Variants in RAB15 observed in about 807,000 individuals in gnomAD.
RAB15 encodes RAB15, member RAS oncogene family.
In RAB15, 13 loss-of-function variants were observed where a neutral mutation model predicts 31.8. The ratio of observed to expected loss-of-function variants is 0.41; its 90% CI spans 0.27 to 0.65. The LOEUF is 0.65. Ranked by LOEUF, RAB15 falls within the 30% of genes least tolerant of loss-of-function variation. The pLI is 0.32. For synonymous variants in RAB15, 100 were observed against 105.6 expected (o/e 0.95, Z 0.33); for missense variants, 220 against 277.3 (o/e 0.79, Z 1.47).
intron 1 of RAB15, among the ~76,000 whole-genome samples, chr14:64,966,536 T>A (rs571615685): frequency 0.037 from 5,590 of 149,426 alleles, 349 homozygotes; most frequent in African/African-American, 0.12. Context: ...AAAAAATAAA[T>A]AAATAAATAA....
In RAB15 at chr14:64,963,158, A is replaced by C. The variant is rs569947182; in HGVS notation, c.124+8795T>G. Among the ~76,000 whole-genome samples the C allele has an allele frequency of 5.5e-4, 67 of 121,476 alleles. 2 individuals carry two copies. In the South Asian group the frequency reaches 0.016, roughly 29 times the overall value. 79.7% of individuals were successfully genotyped at this position (121,476 alleles called of 152,430 possible). On this transcript the variant is annotated intron_variant, in intron 1 of 6. Transcript: ENST00000533601. ...TTTTGAGACAGGGTCTCACTCTGTC[A>C]CCCAGGCTGGAGTACAGTGGTACGA...
In RAB15 at chr14:64,948,596, C is replaced by T. The variant is rs369486929; in HGVS notation, c.480+72G>A. ...CAGCGGCCTGAGGGATAAGGTCCAT[C>T]TTATGGCTCCTCCTCCCACCTCTGC... On this transcript the variant is annotated intron_variant, in intron 6 of 6. Coordinates refer to ENST00000533601, the MANE Select transcript of RAB15 (RefSeq NM_001308154.2). This position sits in a 1 kb window ranked among gnomAD's most constrained non-coding sequence, Gnocchi z 7.0. The T allele has an allele frequency of 1.6e-5, 25 of 1,609,992 alleles. No homozygotes were observed. The East Asian group carries it at 1.6e-4, about 10-fold the overall frequency.
At position 64,958,861 on chromosome 14, in the gene RAB15, C is replaced by A. The variant is rs1315202016; in HGVS notation, c.125-6290G>T. ...TTCCCGGCACATTAGATATGCCCAT[C>A]ATGGTGCCTGCCACACCCTGTGTCC... On this transcript the variant is annotated intron_variant, in intron 1 of 6. Transcript: ENST00000533601. This position sits in a 1 kb window ranked among gnomAD's most constrained non-coding sequence, Gnocchi z 4.4. Among the ~76,000 whole-genome samples the A allele has an allele frequency of 6.6e-6, 1 of 152,222 alleles. No homozygotes were observed. Among genetic ancestry groups the A allele is most frequent in the African/African-American group, 2.4e-5 (1 of 41,440 alleles).
At chr14:64,969,771 C>A (rs1209426224) in intron 1 of RAB15, among the ~76,000 whole-genome samples, 1 of 152,196 alleles carries the variant, frequency 6.6e-6, no homozygotes, top group African/African-American at 2.4e-5. Flanking sequence ...GTGGTCTGCC[C>A]TGGAGGGTTT....
rs1048150586 is a variant in RAB15 at position 64,948,001 on chromosome 14, C to T, written c.*353G>A. On this transcript the variant is annotated 3_prime_UTR_variant, in exon 7 of 7. Transcript: ENST00000533601. This position sits in a 1 kb window ranked among gnomAD's most constrained non-coding sequence, Gnocchi z 7.0. ...AGAGAGAAAAAGCAGAGAAGAGACACGATGCACGGAGAAAGGAGCAGCTGA... is the reference window on the plus strand; with the variant it reads ...AGAGAGAAAAAGCAGAGAAGAGACATGATGCACGGAGAAAGGAGCAGCTGA... 16 of 240,580 alleles carry T rather than the reference C, an allele frequency of 6.7e-5. No individual in the cohort carries two copies. Among genetic ancestry groups the T allele is most frequent in the African/African-American group, 9.0e-5 (4 of 44,660 alleles). The allele number at this position is 240,580 out of a possible 1,614,324, so 14.9% of individuals were successfully genotyped here.
chr14:64,969,824 A>C (rs1031229352), intron 1 of RAB15, among the ~76,000 whole-genome samples: 8 of 152,148 alleles, frequency 5.3e-5, no homozygotes, highest in Non-Finnish European at 1.2e-4. Flanking sequence ...CTATTAGCAG[A>C]AGGTGTCTAA....
chr14:64,948,104 G>A lies in RAB15; in HGVS notation c.*250C>T. ...GACAGTGCTTGCGGCACATCGTGGGGGTCGTAGCAGGCCTGTGGCTGGGGA... is the reference window on the plus strand; with the variant it reads ...GACAGTGCTTGCGGCACATCGTGGGAGTCGTAGCAGGCCTGTGGCTGGGGA... On this transcript the variant is annotated 3_prime_UTR_variant, in exon 7 of 7. Transcript: ENST00000533601. This position sits in a 1 kb window ranked among gnomAD's most constrained non-coding sequence, Gnocchi z 7.0. 2.3e-6 allele frequency: 1 copy of A among 435,616 alleles called. No individual in the cohort carries two copies. The highest frequency in any genetic ancestry group is 4.0e-6 in the Non-Finnish European group (1 of 248,676). The allele number at this position is 435,616 out of a possible 1,614,324, so 27.0% of individuals were successfully genotyped here. A position where few individuals can be genotyped will look rare whatever the true frequency, so the allele number is the denominator to read the frequency against.
rs1260871748 is a variant in RAB15 at position 64,953,005 on chromosome 14, CTT to C, written c.125-436_125-435del. 6.6e-6 allele frequency among the ~76,000 whole-genome samples: 1 copy of C among 152,210 alleles called. No individual in the cohort carries two copies. The highest frequency in any genetic ancestry group is 1.5e-5 in the Non-Finnish European group (1 of 68,040). The stretch of plus-strand genomic sequence containing the variant: ...TTTGCCTGCTTTCTTCCCTCTCTCT[CTT>C]TGCCTTGTTAATAACCAGAAGGGGT... On this transcript the variant is annotated intron_variant, in intron 1 of 6. Transcript: ENST00000533601. The surrounding 1 kb of genome is among the most constrained non-coding windows in gnomAD (Gnocchi z 4.6).
At chr14:64,949,875 G>A (rs936760909) in intron 5 of RAB15, among the ~76,000 whole-genome samples, 2 of 152,006 alleles carry the variant, frequency 1.3e-5, no homozygotes, top group African/African-American at 2.4e-5. Flanking sequence ...GTGGCTCTTT[G>A]TCTCCTCATT....
chr14:64,956,347 G>A (rs544444244), intron 1 of RAB15, among the ~76,000 whole-genome samples: 134 of 151,414 alleles, frequency 8.8e-4, no homozygotes, highest in African/African-American at 3.0e-3. Flanking sequence ...GGAGGCAGAG[G>A]CTGCAGTGAG....
At chr14:64,965,800 C>T in intron 1 of RAB15, among the ~76,000 whole-genome samples, 1 of 152,148 alleles carries the variant, frequency 6.6e-6, no homozygotes, top group East Asian at 1.9e-4. Context: ...CCAGGGAGTG[C>T]AGGTAGGCGG....
chr14:64,959,848 CAAAAA>C (rs34981340), intron 1 of RAB15, among the ~76,000 whole-genome samples: 143 of 42,058 alleles, frequency 3.4e-3, no homozygotes, highest in African/African-American at 0.013. Context: ...GACCCTGTCT[CAAAAA>C]AAAAAAAAAA....
chr14:64,967,585 CAA>C (rs10706394), intron 1 of RAB15, among the ~76,000 whole-genome samples: 4,510 of 143,508 alleles, frequency 0.031, 97 homozygotes, highest in Middle Eastern at 0.076. Context: ...AACCTAGTCT[CAA>C]AAAAAAAAAA....
chr14:64,956,734 C>CTGAATCATAATTTGAGGGCCT (rs1886596011), intron 1 of RAB15, among the ~76,000 whole-genome samples: 2 of 151,438 alleles, frequency 1.3e-5, no homozygotes, highest in Non-Finnish European at 2.9e-5. Context: ...CCTAGACCTA[C>CTGAATCATAATTTGAGGGCCT]TGAATCATAA....
Position 64,946,917 on chromosome 14 carries a change from G to A in RAB15, c.*1437C>T, listed in dbSNP as rs974888334. On this transcript the variant is annotated 3_prime_UTR_variant, in exon 7 of 7. Transcript: ENST00000533601. ...TACTCTTGGGCCATATGGGGTTAAA[G>A]AAACTTCCTGAACATAGCACTCTGG... is the stretch of plus-strand genomic sequence containing the variant. 10 of 152,736 alleles carry A rather than the reference G, an allele frequency of 6.5e-5. No homozygotes were observed. The highest frequency in any genetic ancestry group is 2.2e-4 in the African/African-American group (9 of 41,552). The allele number at this position is 152,736 out of a possible 1,614,324, so 9.5% of individuals were successfully genotyped here. A position where few individuals can be genotyped will look rare whatever the true frequency, so the allele number is the denominator to read the frequency against.
chr14:64,949,218 C>T (rs113727529), intron 5 of RAB15, among the ~76,000 whole-genome samples: 5,654 of 152,324 alleles, frequency 0.037, 163 homozygotes, highest in South Asian at 0.094. Context: ...CACTTAAAAG[C>T]GCTTGCCTTA....
Position 64,956,559 on chromosome 14 carries a change from T to TGC in RAB15, c.125-3990_125-3989dup, listed in dbSNP as rs537055179. Among the ~76,000 whole-genome samples the TGC allele has an allele frequency of 1.7e-3, 264 of 152,296 alleles. 2 individuals carry two copies. The highest frequency in any genetic ancestry group is 6.0e-3 in the African/African-American group (251 of 41,558). Reference sequence around the variant, plus strand: ...AAGCTCTCACAGTGATTCTCACACATGCGTAAGTTTGAGAACGACATTAGG... The same window carrying TGC: ...AAGCTCTCACAGTGATTCTCACACATGCGCGTAAGTTTGAGAACGACATTAGG... On this transcript the variant is annotated intron_variant, in intron 1 of 6. Coordinates refer to ENST00000533601, the MANE Select transcript of RAB15 (RefSeq NM_001308154.2).
In RAB15 at chr14:64,951,478, G is replaced by T; in HGVS notation, c.246+125C>A. 1 of 888,964 alleles carries T rather than the reference G, an allele frequency of 1.1e-6. No homozygotes were observed. Among genetic ancestry groups the T allele is most frequent in the East Asian group, 2.4e-5 (1 of 41,572 alleles). The allele number at this position is 888,964 out of a possible 1,614,324, so 55.1% of individuals were successfully genotyped here. On this transcript the variant is annotated intron_variant, in intron 3 of 6. Transcript: ENST00000533601. The surrounding 1 kb of genome is among the most constrained non-coding windows in gnomAD (Gnocchi z 7.2). ...AATGATCAGTGAACAGCTGAAAGAC[G>T]CCCTGCGCTCCTCCAAGCAGGCGAA... is the stretch of plus-strand genomic sequence containing the variant.
chr14:64,971,884 G>C lies in RAB15; in HGVS notation c.124+69C>G. On this transcript the variant is annotated intron_variant, in intron 1 of 6. Coordinates refer to ENST00000533601, the MANE Select transcript of RAB15 (RefSeq NM_001308154.2). The surrounding 1 kb of genome is among the most constrained non-coding windows in gnomAD (Gnocchi z 4.1). ...GGGGCTGGCAATTCCTCCCCAGCTG[G>C]GGACGGGGGCGGCGGGGAAAGGGGC... The C allele has an allele frequency of 6.9e-7, 1 of 1,453,460 alleles. No homozygotes were observed. The highest frequency in any genetic ancestry group is 1.2e-5 in the South Asian group (1 of 81,160). The allele number at this position is 1,453,460 out of a possible 1,614,324, so 90.0% of individuals were successfully genotyped here. A position where few individuals can be genotyped will look rare whatever the true frequency, so the allele number is the denominator to read the frequency against.
Sources: allele counts gnomAD v4.1 joint callset (sites outside exome capture counted in the v4.1 genomes callset), GRCh38; gene constraint gnomAD v4.1.1; non-coding constraint Gnocchi (gnomAD v3.1); transcripts MANE v1.5; gene names NCBI Gene and HGNC (gene_info 2026-07-23, HGNC 2026-07-21).